NRXN3: variants seen among roughly 807,000 people sequenced by gnomAD.
NRXN3 encodes neurexin 3.
In NRXN3, 32 loss-of-function variants were observed where a neutral mutation model predicts 137.6. The ratio of observed to expected loss-of-function variants is 0.23; its 90% CI spans 0.18 to 0.31. The LOEUF (loss-of-function observed/expected upper bound fraction) is 0.31. Among genes scored for constraint, NRXN3 ranks in the 10% least tolerant of loss-of-function variants. The probability of loss-of-function intolerance (pLI) is 1.00; values close to 1 mark genes in which losing one functional copy is unlikely to be tolerated. For missense variants in NRXN3, 1,574 were observed against 2,062.5 expected, an observed-to-expected ratio of 0.76 and a Z score of 4.59; for synonymous variants, 798 against 784.5, an observed-to-expected ratio of 1.02 and a Z score of -0.29.
intron 16 of NRXN3, among the ~76,000 whole-genome samples, chr14:79,587,633 T>C (rs1417732823): frequency 6.6e-6 from 1 of 152,242 alleles, no homozygotes; most frequent in Non-Finnish European, 1.5e-5. Flanking sequence ...AATCTATATG[T>C]ATAAATAGAA....
At chr14:79,269,838 T>G (rs143258165) in intron 15 of NRXN3, among the ~76,000 whole-genome samples, 1 of 152,128 alleles carries the variant, frequency 6.6e-6, no homozygotes, top group African/African-American at 2.4e-5. Context: ...AAACATAAAA[T>G]TGTTAATAAG....
intron 16 of NRXN3, among the ~76,000 whole-genome samples, chr14:79,623,117 C>G (rs1466321463): frequency 6.6e-6 from 1 of 152,070 alleles, no homozygotes; most frequent in African/African-American, 2.4e-5. Flanking sequence ...CCTTTTGTCC[C>G]TGCTATATTT....
chr14:79,267,360 ATT>A (rs398043882), intron 15 of NRXN3, among the ~76,000 whole-genome samples: 16 of 142,936 alleles, frequency 1.1e-4, no homozygotes, highest in African/African-American at 1.3e-4. Context: ...AGATCATTTA[ATT>A]TTTTTTTTTT....
chr14:79,480,303 GCAGTA>G (rs1365284883), intron 16 of NRXN3, among the ~76,000 whole-genome samples: 1 of 152,136 alleles, frequency 6.6e-6, no homozygotes, highest in Admixed American at 6.6e-5. Flanking sequence ...ACTTATATCA[GCAGTA>G]CTGGAGCTGG....
intron 15 of NRXN3, among the ~76,000 whole-genome samples, chr14:79,338,218 AGTGTGTGTGTGT>A (rs56816357): frequency 4.3e-5 from 6 of 141,148 alleles, no homozygotes; most frequent in African/African-American, 7.9e-5. Flanking sequence ...TGTGTATGTG[AGTGTGTGTGTGT>A]GTGTGTGTGT....
intron 19 of NRXN3, among the ~76,000 whole-genome samples, chr14:79,784,139 T>C (rs2099122126): frequency 6.6e-6 from 1 of 152,170 alleles, no homozygotes; most frequent in Non-Finnish European, 1.5e-5. Flanking sequence ...TTATGCATAT[T>C]AAATATCCCA....
At chr14:78,500,199 T>G (rs940053603) in intron 4 of NRXN3, among the ~76,000 whole-genome samples, 9 of 152,178 alleles carry the variant, frequency 5.9e-5, no homozygotes, top group African/African-American at 2.2e-4. Context: ...GGTGCTTTAA[T>G]TATTCAGCAG....
At chr14:78,869,334 A>G (rs2099095673) in intron 10 of NRXN3, among the ~76,000 whole-genome samples, 1 of 152,106 alleles carries the variant, frequency 6.6e-6, no homozygotes, top group South Asian at 2.1e-4. Flanking sequence ...AGGCTAGTTT[A>G]TTCGCTATTT....
chr14:79,111,824 T>A (rs1208545506), intron 15 of NRXN3, among the ~76,000 whole-genome samples: 1 of 150,694 alleles, frequency 6.6e-6, no homozygotes, highest in East Asian at 1.9e-4. Context: ...CTAAAAAAAA[T>A]TGGGAAAAAA....
intron 6 of NRXN3, among the ~76,000 whole-genome samples, chr14:78,691,106 AGAG>A (rs2098166886): frequency 6.6e-6 from 1 of 152,186 alleles, no homozygotes; most frequent in African/African-American, 2.4e-5. Context: ...ACCCAGGAAA[AGAG>A]GATGTTGAGG....
intron 16 of NRXN3, among the ~76,000 whole-genome samples, chr14:79,663,127 A>G (rs538767046): frequency 6.6e-6 from 1 of 152,150 alleles, no homozygotes; most frequent in South Asian, 2.1e-4. Context: ...ACAAGTTGGG[A>G]AGCATGGCAG....
chr14:78,936,665 G>A (rs560087171), intron 10 of NRXN3, among the ~76,000 whole-genome samples: 45 of 152,222 alleles, frequency 3.0e-4, no homozygotes, highest in African/African-American at 1.1e-3. Flanking sequence ...TTAAATATGT[G>A]CAGTGTATCA....
At chr14:79,226,014 G>T (rs892810118) in intron 15 of NRXN3, among the ~76,000 whole-genome samples, 1 of 151,720 alleles carries the variant, frequency 6.6e-6, no homozygotes, top group Admixed American at 6.6e-5. Context: ...CTTCAGGTTG[G>T]CTGCTGAACA....
At chr14:78,353,226 C>T (rs1441447377) in intron 4 of NRXN3, among the ~76,000 whole-genome samples, 1 of 152,156 alleles carries the variant, frequency 6.6e-6, no homozygotes, top group African/African-American at 2.4e-5. Context: ...TTCCCACACA[C>T]GTTCACTTTT....
chr14:78,194,487 C>T (rs2061044124), intron 1 of NRXN3, among the ~76,000 whole-genome samples: 1 of 152,124 alleles, frequency 6.6e-6, no homozygotes, highest in African/African-American at 2.4e-5. Context: ...AGTGTGGGCT[C>T]CTAGAATGTG....
chr14:78,864,206 T>C (rs1204683058), intron 10 of NRXN3, among the ~76,000 whole-genome samples: 2 of 152,176 alleles, frequency 1.3e-5, no homozygotes, highest in African/African-American at 4.8e-5. Flanking sequence ...TCATCCATTG[T>C]AATTTAAGAA....
intron 16 of NRXN3, among the ~76,000 whole-genome samples, chr14:79,481,249 G>A (rs930594657): frequency 1.3e-5 from 2 of 152,160 alleles, no homozygotes; most frequent in Non-Finnish European, 2.9e-5. Context: ...CAGGCAGGGA[G>A]GATCTCCTTC....
chr14:79,027,284 A>G (rs1595089881), intron 15 of NRXN3, among the ~76,000 whole-genome samples: 1 of 151,746 alleles, frequency 6.6e-6, no homozygotes. Flanking sequence ...GGGGACATAG[A>G]CTCTCTCGGT....
intron 19 of NRXN3, among the ~76,000 whole-genome samples, chr14:79,778,138 T>C (rs527536715): frequency 1.3e-5 from 2 of 152,188 alleles, no homozygotes; most frequent in African/African-American, 4.8e-5. Context: ...TAGCATAGGC[T>C]GGGCGTGGTG....
Sources: gnomAD v4.1 joint callset for allele counts (sites outside exome capture counted in the v4.1 genomes callset) on GRCh38, gnomAD v4.1.1 for gene constraint, MANE v1.5 for transcripts, NCBI Gene and HGNC (gene_info 2026-07-23, HGNC 2026-07-21) for gene names.